Variants in CFAP299 observed in about 807,000 individuals in gnomAD.
The protein encoded by CFAP299 is cilia- and flagella-associated protein 299.
CFAP299 carries 21 observed loss-of-function variants against 27.0 expected under a neutral mutation model. That is an observed-to-expected ratio of 0.78 (90% CI 0.55 to 1.12). The LOEUF (loss-of-function observed/expected upper bound fraction) is 1.12, where lower values mean the gene tolerates loss of function less well. Among genes scored for constraint, CFAP299 ranks in the 50% most tolerant of loss-of-function variants. The probability of loss-of-function intolerance (pLI) is 0.00; values close to 1 mark genes in which losing one functional copy is unlikely to be tolerated. For synonymous variants in CFAP299, 104 were observed against 98.1 expected, an observed-to-expected ratio of 1.06 and a Z score of -0.36; for missense variants, 310 against 276.6, an observed-to-expected ratio of 1.12 and a Z score of -0.86.
chr4:80,545,815 A>G (rs1734201113), intron 2 of CFAP299, among the ~76,000 whole-genome samples: 2 of 152,210 alleles, frequency 1.3e-5, no homozygotes, highest in Non-Finnish European at 2.9e-5. Flanking sequence ...TCTGGTCAAA[A>G]TCTCTGATAA....
At chr4:80,634,571 A>T (rs1458416096) in intron 3 of CFAP299, among the ~76,000 whole-genome samples, 1 of 152,174 alleles carries the variant, frequency 6.6e-6, no homozygotes, top group African/African-American at 2.4e-5. Flanking sequence ...ATTTTAAACA[A>T]TTTCCGCTTA....
chr4:80,856,807 C>G (rs991478193), intron 3 of CFAP299, among the ~76,000 whole-genome samples: 59 of 151,910 alleles, frequency 3.9e-4, no homozygotes, highest in African/African-American at 1.4e-3. Flanking sequence ...GTTACTGTAG[C>G]CTTGTAGTAT....
intron 2 of CFAP299, among the ~76,000 whole-genome samples, chr4:80,392,464 G>A (rs1022014101): frequency 6.6e-6 from 1 of 152,116 alleles, no homozygotes; most frequent in Non-Finnish European, 1.5e-5. Flanking sequence ...TCTTGTGCAA[G>A]GTGATTACAT....
the CFAP299 span, among the ~76,000 whole-genome samples, chr4:80,329,186 T>A: frequency 1.4e-5 from 2 of 142,440 alleles, no homozygotes; most frequent in African/African-American, 5.3e-5. Flanking sequence ...AAAGATTGGA[T>A]ACCCCAGCAG....
At chr4:80,900,273 C>G (rs1367806935) in intron 4 of CFAP299, among the ~76,000 whole-genome samples, 4 of 151,890 alleles carry the variant, frequency 2.6e-5, no homozygotes, top group African/African-American at 9.7e-5. Context: ...AAGGCATTTA[C>G]ATAATTCTAT....
At chr4:80,840,521 G>C (rs761677658) in intron 3 of CFAP299, among the ~76,000 whole-genome samples, 11 of 152,134 alleles carry the variant, frequency 7.2e-5, no homozygotes, top group South Asian at 6.2e-4. Context: ...TTTATCTTCA[G>C]ATCACAATTT....
At chr4:80,797,139 T>A (rs558292655) in intron 3 of CFAP299, among the ~76,000 whole-genome samples, 1 of 152,278 alleles carries the variant, frequency 6.6e-6, no homozygotes, top group African/African-American at 2.4e-5. Flanking sequence ...AAATGTCTGA[T>A]CATTTCCCTT....
At chr4:80,587,313 A>G (rs1221434503) in intron 3 of CFAP299, among the ~76,000 whole-genome samples, 2 of 152,172 alleles carry the variant, frequency 1.3e-5, no homozygotes, top group African/African-American at 4.8e-5. Context: ...GAAAAACTAT[A>G]GCTGGATAGA....
intron 2 of CFAP299, among the ~76,000 whole-genome samples, chr4:80,417,895 C>T (rs1560558110): frequency 6.6e-6 from 1 of 152,080 alleles, no homozygotes; most frequent in Non-Finnish European, 1.5e-5. Context: ...AGCATTTCTC[C>T]CTTCCAGAGG....
Position 80,665,019 on chromosome 4 carries a change from C to T in CFAP299, c.333+81836C>T, listed in dbSNP as rs190747486. On this transcript the variant is annotated intron_variant, in intron 3 of 5. Transcript: ENST00000358105. Reference sequence around the variant, plus strand: ...CCCTTGCACTTCCCGGGTGAGGCAACGCCTCATCCTGCTTCAGCTCACCCT... The same window carrying T: ...CCCTTGCACTTCCCGGGTGAGGCAATGCCTCATCCTGCTTCAGCTCACCCT... Among the ~76,000 whole-genome samples, 22 of 152,230 alleles carry T rather than the reference C, an allele frequency of 1.4e-4. 1 individual carries two copies. The highest frequency in any genetic ancestry group is 6.2e-4 in the South Asian group (3 of 4,824).
rs188493366 is a variant in CFAP299 at position 80,801,497 on chromosome 4, G to T, written c.334-68496G>T. Among the ~76,000 whole-genome samples, 583 of 152,130 alleles carry T rather than the reference G, an allele frequency of 3.8e-3. 1 individual carries two copies. Among genetic ancestry groups the T allele is most frequent in the Middle Eastern group, 0.01 (3 of 294 alleles). On this transcript the variant is annotated intron_variant, in intron 3 of 5. Coordinates refer to ENST00000358105, the MANE Select transcript of CFAP299 (RefSeq NM_152770.3). ...ATTACTAGGAAAATTGTTGATTGCT[G>T]ATAAGCTATTTCTTAAATTCACATA...
intron 3 of CFAP299, among the ~76,000 whole-genome samples, chr4:80,813,350 A>G (rs1421918414): frequency 6.6e-6 from 1 of 151,816 alleles, no homozygotes; most frequent in East Asian, 1.9e-4. Context: ...GAAAATTTTC[A>G]CAAACAAAGA....
At chr4:80,480,352 A>T (rs1222274002) in intron 2 of CFAP299, among the ~76,000 whole-genome samples, 1 of 151,956 alleles carries the variant, frequency 6.6e-6, no homozygotes, top group East Asian at 1.9e-4. Flanking sequence ...GGAGCTCTGC[A>T]GAGGGTACGC....
At chr4:80,738,656 T>C (rs1290865637) in intron 3 of CFAP299, among the ~76,000 whole-genome samples, 1 of 138,312 alleles carries the variant, frequency 7.2e-6, no homozygotes, top group Admixed American at 6.9e-5. Context: ...CAGCAAATCA[T>C]TGGGTCTTTT....
intron 2 of CFAP299, among the ~76,000 whole-genome samples, chr4:80,572,759 C>T (rs1453952906): frequency 4.0e-5 from 6 of 151,666 alleles, no homozygotes; most frequent in South Asian, 4.2e-4. Flanking sequence ...TGTCGTTATC[C>T]GCCCACCTGG....
chr4:80,955,338 C>G (rs1738014134), intron 5 of CFAP299, among the ~76,000 whole-genome samples: 1 of 152,176 alleles, frequency 6.6e-6, no homozygotes, highest in Non-Finnish European at 1.5e-5. Context: ...CACTTCACCT[C>G]TGTCTTCTCA....
intron 3 of CFAP299, among the ~76,000 whole-genome samples, chr4:80,731,169 G>A (rs925370071): frequency 6.6e-6 from 1 of 151,952 alleles, no homozygotes; most frequent in African/African-American, 2.4e-5. Context: ...GAGAGCAGTG[G>A]GTGCCTATTT....
At chr4:80,478,725 T>C (rs1730407006) in intron 2 of CFAP299, among the ~76,000 whole-genome samples, 1 of 151,916 alleles carries the variant, frequency 6.6e-6, no homozygotes, top group African/African-American at 2.4e-5. Flanking sequence ...CTCTTTGTCT[T>C]AATAAAAAAT....
chr4:80,796,060 G>C (rs1807771), intron 3 of CFAP299, among the ~76,000 whole-genome samples: 38,243 of 152,040 alleles, frequency 0.25, 5,681 homozygotes, highest in African/African-American at 0.41. Context: ...CTCCTGTTCT[G>C]GACTCAAAAC....
Sources: gnomAD v4.1 joint callset for allele counts (sites outside exome capture counted in the v4.1 genomes callset) on GRCh38, gnomAD v4.1.1 for gene constraint, MANE v1.5 for transcripts, NCBI Gene and HGNC (gene_info 2026-07-23, HGNC 2026-07-21) for gene names.